Variants in ABCA3 observed in about 807,000 individuals in gnomAD.
ABCA3 encodes the protein ATP binding cassette subfamily A member 3.
Under a neutral mutation model 172.8 loss-of-function variants are expected in ABCA3, and 88 were observed. The observed-to-expected ratio is 0.51, with a 90% CI of 0.43 to 0.61. ABCA3 has a LOEUF of 0.61. Ranked by LOEUF, ABCA3 falls within the 20% of genes least tolerant of loss-of-function variation. The probability of loss-of-function intolerance (pLI) is 0.00; values close to 1 mark genes in which losing one functional copy is unlikely to be tolerated. For synonymous variants in ABCA3, 1,066 were observed against 983.8 expected, an observed-to-expected ratio of 1.08 and a Z score of -1.56; for missense variants, 2,164 against 2,301.0, an observed-to-expected ratio of 0.94 and a Z score of 1.22.
chr16:2,281,243 C>G lies in ABCA3; in HGVS notation c.4165-22G>C. The G allele has an allele frequency of 6.2e-7, 1 of 1,613,328 alleles. No homozygotes were observed. The highest frequency in any genetic ancestry group is 8.5e-7 in the Non-Finnish European group (1 of 1,179,940). On this transcript the variant is annotated intron_variant, in intron 27 of 32. Transcript: ENST00000301732. This position sits in a 1 kb window ranked among gnomAD's most constrained non-coding sequence, Gnocchi z 4.7. ...ACACCTGCAGGCACCCAACAGAAAA[C>G]ACGGAATGCGGAGGCCTGGACGCAA...
At chr16:2,324,596 G>A (rs1282852467) in intron 5 of ABCA3, 65 bp from the exon 6 acceptor site, 2 of 1,598,508 alleles carry the variant, frequency 1.3e-6, no homozygotes, top group Non-Finnish European at 1.7e-6. Context: ...AAATCTGCGT[G>A]GTTCAGGTCA....
rs2093647047 is a variant in ABCA3, at chr16:2,276,746, G to A, written c.5043C>T (p.Ser1681=). ...GGAAGACCTGTTCCAGCGAGATCTG[G>A]CTCACGGAGTAGTCGTCCACGCCGT... ...EKYGVDDYSV[S]QISLEQVFLS... The change falls in exon 33 of 33, where the codon AGC becomes AGT. Residue 1681 remains serine (S), a synonymous_variant. Coordinates refer to ENST00000301732, the MANE Select transcript of ABCA3 (RefSeq NM_001089.3). The A allele has an allele frequency of 3.7e-6, 6 of 1,613,936 alleles. No individual in the cohort carries two copies. The highest frequency in any genetic ancestry group is 5.1e-6 in the Non-Finnish European group (6 of 1,180,058).
chr16:2,288,793 G>A (rs541795441), intron 20 of ABCA3, among the ~76,000 whole-genome samples: 2 of 152,160 alleles, frequency 1.3e-5, no homozygotes, highest in Admixed American at 6.6e-5. Flanking sequence ...TGATCTGCCC[G>A]CCTTGGCCTC....
chr16:2,314,292 A>C lies in ABCA3; in HGVS notation c.1111+2991T>G, dbSNP rs532331223. 5.3e-5 allele frequency among the ~76,000 whole-genome samples: 8 copies of C among 152,322 alleles called. No homozygotes were observed. The South Asian group carries it at 1.5e-3, about 28-fold the overall frequency. On this transcript the variant is annotated intron_variant, in intron 10 of 32. Coordinates refer to ENST00000301732, the MANE Select transcript of ABCA3 (RefSeq NM_001089.3). ...CATTATGGAATATCATCTAGCCTTG[A>C]AAAGGAGGGGAATTCAGGCTACAAC...
At chr16:2,301,348 C>T (rs902489743) in intron 12 of ABCA3, among the ~76,000 whole-genome samples, 1 of 152,060 alleles carries the variant, frequency 6.6e-6, no homozygotes, top group Admixed American at 6.6e-5. Flanking sequence ...TCAGTGTCAT[C>T]TTACAGTTGA....
At chr16:2,310,230 C>T (rs2093704402) in intron 10 of ABCA3, among the ~76,000 whole-genome samples, 1 of 150,446 alleles carries the variant, frequency 6.6e-6, no homozygotes, top group African/African-American at 2.4e-5. Context: ...ATGGTGAAAC[C>T]CCGTCTCTAC....
At chr16:2,301,709 C>G (rs991722068) in intron 12 of ABCA3, among the ~76,000 whole-genome samples, 1 of 129,500 alleles carries the variant, frequency 7.7e-6, no homozygotes, top group African/African-American at 2.9e-5. Context: ...GACTCCGAAT[C>G]AAAGAAAAAA....
intron 10 of ABCA3, among the ~76,000 whole-genome samples, chr16:2,312,981 G>C (rs947900410): frequency 2.6e-5 from 4 of 151,972 alleles, no homozygotes; most frequent in African/African-American, 9.7e-5. Context: ...TCGAGCCCTG[G>C]GAGACAGAGG....
rs2093663075 is a variant in ABCA3, at chr16:2,286,330, C to G, written c.3278+364G>C. On this transcript the variant is annotated intron_variant, in intron 22 of 32. Coordinates refer to ENST00000301732, the MANE Select transcript of ABCA3 (RefSeq NM_001089.3). The surrounding 1 kb of genome is among the most constrained non-coding windows in gnomAD (Gnocchi z 5.2). ...ACGGCAGTTCTTGCCAAGTCCTGCTCTGCTCACCCTCCATCACCTCAGCTC... is the reference window on the plus strand; with the variant it reads ...ACGGCAGTTCTTGCCAAGTCCTGCTGTGCTCACCCTCCATCACCTCAGCTC... Among the ~76,000 whole-genome samples the G allele has an allele frequency of 6.6e-6, 1 of 152,238 alleles. No individual in the cohort carries two copies. Among genetic ancestry groups the G allele is most frequent in the South Asian group, 2.1e-4 (1 of 4,832 alleles).
intron 6 of ABCA3, 22 bp from the exon 7 acceptor site, chr16:2,323,710 C>T (rs770229943): frequency 6.2e-7 from 1 of 1,613,880 alleles, no homozygotes; most frequent in African/African-American, 1.3e-5. Flanking sequence ...AAGAGAAAAC[C>T]AGCTGTTCCG....
intron 1 of ABCA3, among the ~76,000 whole-genome samples, chr16:2,338,935 T>C (rs1028201655): frequency 6.6e-6 from 1 of 151,996 alleles, no homozygotes; most frequent in Admixed American, 6.6e-5. Context: ...TTTATATTTT[T>C]GGTAAAGATG....
intron 1 of ABCA3, among the ~76,000 whole-genome samples, chr16:2,335,417 C>A (rs537973875): frequency 2.6e-5 from 4 of 152,060 alleles, no homozygotes; most frequent in African/African-American, 9.6e-5. Context: ...GTAGCTGGGA[C>A]TACAGGCATG....
rs1263164191 is a variant in ABCA3, at chr16:2,285,526, C to T, written c.3399G>A (p.Val1133=). The change falls in exon 23 of 33, where the codon GTG becomes GTA. Residue 1133 remains valine, a synonymous_variant. Transcript: ENST00000301732. The surrounding 1 kb of genome is among the most constrained non-coding windows in gnomAD (Gnocchi z 4.7). The part of the protein sequence containing the change: ...RAVQAKHVQF[V]SGVHVASFWL... ...AGAAACTGGCCACGTGGACTCCACT[C>T]ACAAACTGCACATGCTTGGCCTGCA... The T allele has an allele frequency of 1.2e-6, 2 of 1,605,680 alleles. No homozygotes were observed. The highest frequency in any genetic ancestry group is 1.7e-6 in the Non-Finnish European group (2 of 1,176,004).
intron 7 of ABCA3, among the ~76,000 whole-genome samples, chr16:2,321,759 A>G (rs2093726401): frequency 6.6e-6 from 1 of 152,188 alleles, no homozygotes; most frequent in African/African-American, 2.4e-5. Context: ...TCTGGCTTCC[A>G]TGAACACCAC....
intron 28 of ABCA3, 87 bp downstream of exon 28, chr16:2,280,940 G>A (rs2141690504): frequency 6.4e-7 from 1 of 1,552,056 alleles, no homozygotes; most frequent in Non-Finnish European, 8.9e-7. Context: ...AGCTGTTTGG[G>A]GACAGCATCC....
rs777620237 is a variant in ABCA3 at position 2,297,431 on chromosome 16, G to A, written c.2161C>T (p.His721Tyr). The stretch of plus-strand genomic sequence containing the variant: ...AGCAGGTCAGCCTCGTCCATGAAGT[G>A]GGTGGTCAGCACGATGGTGCGGTCA... ...KSDRTIVLTT[H>Y]FMDEADLLGD... is the part of the protein sequence containing the mutation. The change falls in exon 17 of 33, where the codon CAC becomes TAC. Residue 721 changes from histidine (H) to tyrosine (Y), a missense_variant. His to Tyr is a moderately conservative substitution (Grantham distance 83, BLOSUM62 2). Transcript: ENST00000301732. The surrounding 1 kb of genome is among the most constrained non-coding windows in gnomAD (Gnocchi z 5.6). 2 of 1,613,724 alleles carry A rather than the reference G, an allele frequency of 1.2e-6. No homozygotes were observed. Among genetic ancestry groups the A allele is most frequent in the Non-Finnish European group, 1.7e-6 (2 of 1,180,030 alleles).
intron 10 of ABCA3, among the ~76,000 whole-genome samples, chr16:2,312,035 C>T (rs1465794789): frequency 6.6e-6 from 1 of 152,110 alleles, no homozygotes; most frequent in African/African-American, 2.4e-5. Flanking sequence ...TTTTGAGTTA[C>T]ACAAATGTTC....
In ABCA3 at chr16:2,325,897, C is replaced by T; in HGVS notation, c.319+113G>A. The T allele has an allele frequency of 2.7e-6, 4 of 1,473,010 alleles. No homozygotes were observed. The South Asian group carries it at 4.6e-5, about 17-fold the overall frequency. The allele number at this position is 1,473,010 out of a possible 1,614,324, so 91.2% of individuals were successfully genotyped here. A position where few individuals can be genotyped will look rare whatever the true frequency, so the allele number is the denominator to read the frequency against. On this transcript the variant is annotated intron_variant, in intron 5 of 32. Coordinates refer to ENST00000301732, the MANE Select transcript of ABCA3 (RefSeq NM_001089.3). ...CGGGAAGAAGCAGAGGCCAAGTCTG[C>T]ACAGGGTGAACTCCTCACCCAGCTG...
In ABCA3 at chr16:2,286,581, A is replaced by G; in HGVS notation, c.3278+113T>C. The G allele has an allele frequency of 7.1e-7, 1 of 1,412,402 alleles. No homozygotes were observed. Among genetic ancestry groups the G allele is most frequent in the African/African-American group, 1.4e-5 (1 of 70,466 alleles). The allele number at this position is 1,412,402 out of a possible 1,614,324, so 87.5% of individuals were successfully genotyped here. ...GTGGCAGGGGTTTCCCACCAGACCCAGGGGCTTTGGGAGGGCAGACACAAT... is the reference window on the plus strand; with the variant it reads ...GTGGCAGGGGTTTCCCACCAGACCCGGGGGCTTTGGGAGGGCAGACACAAT... On this transcript the variant is annotated intron_variant, in intron 22 of 32. Coordinates refer to ENST00000301732, the MANE Select transcript of ABCA3 (RefSeq NM_001089.3). The surrounding 1 kb of genome is among the most constrained non-coding windows in gnomAD (Gnocchi z 5.2).
Sources: allele counts gnomAD v4.1 joint callset (sites outside exome capture counted in the v4.1 genomes callset), GRCh38; gene constraint gnomAD v4.1.1; non-coding constraint Gnocchi (gnomAD v3.1); transcripts MANE v1.5; gene names NCBI Gene and HGNC (gene_info 2026-07-23, HGNC 2026-07-21).